ATP6V1C2: variants seen among roughly 807,000 people sequenced by gnomAD.
ATP6V1C2 encodes ATPase H+ transporting V1 subunit C2.
ATP6V1C2 carries 45 observed loss-of-function variants against 56.8 expected under a neutral mutation model. The ratio of observed to expected loss-of-function variants is 0.79; its 90% CI spans 0.62 to 1.02. The LOEUF is 1.02. Ranked by LOEUF, ATP6V1C2 falls within the 50% of genes least tolerant of loss-of-function variation. ATP6V1C2 has a pLI of 0.00. For synonymous variants in ATP6V1C2, 220 were observed against 201.3 expected (o/e 1.09, Z -0.79); for missense variants, 463 against 519.7 (o/e 0.89, Z 1.06).
intron 5 of ATP6V1C2, among the ~76,000 whole-genome samples, chr2:10,767,393 G>A (rs2148486950): frequency 6.6e-6 from 1 of 151,572 alleles, no homozygotes; most frequent in South Asian, 2.1e-4. Flanking sequence ...AAACTCCTGA[G>A]CTCAGGCAAT....
chr2:10,773,325 A>G (rs557406998), intron 8 of ATP6V1C2, among the ~76,000 whole-genome samples: 1 of 152,276 alleles, frequency 6.6e-6, no homozygotes, highest in South Asian at 2.1e-4. Flanking sequence ...ATAGTGGGGT[A>G]GGGGCATGTG....
chr2:10,783,447 G>T lies in ATP6V1C2; in HGVS notation c.*184G>T. The T allele has an allele frequency of 2.0e-6, 1 of 502,768 alleles. No homozygotes were observed. Among genetic ancestry groups the T allele is most frequent in the Non-Finnish European group, 3.5e-6 (1 of 282,542 alleles). 31.1% of individuals were successfully genotyped at this position (502,768 alleles called of 1,614,324 possible). ...ACAATAAAATGCTCTCAAGTCCTTT[G>T]AATGTTCCAACAAATTCAAAACTTC... On this transcript the variant is annotated 3_prime_UTR_variant, in exon 14 of 14. Coordinates refer to ENST00000272238, the MANE Select transcript of ATP6V1C2 (RefSeq NM_001039362.2).
chr2:10,750,112 G>T (rs902329048), intron 3 of ATP6V1C2, among the ~76,000 whole-genome samples: 1 of 152,188 alleles, frequency 6.6e-6, no homozygotes, highest in African/African-American at 2.4e-5. Context: ...GGCTGTTTGC[G>T]TTATGTGGAA....
chr2:10,764,433 A>ATT lies in ATP6V1C2; in HGVS notation c.378+8_378+9insTT, dbSNP rs773822282. ...GTGGACACAATAGCCAAGGTGAGAA[A>ATT]AGGGACTGCTCTGGGGAACAGCTGA... On this transcript the variant is annotated intron_variant, in intron 5 of 13. Coordinates refer to ENST00000272238, the MANE Select transcript of ATP6V1C2 (RefSeq NM_001039362.2). 6.2e-7 allele frequency: 1 copy of ATT among 1,612,494 alleles called. No homozygotes were observed. The highest frequency in any genetic ancestry group is 8.5e-7 in the Non-Finnish European group (1 of 1,178,588).
chr2:10,741,020 T>C (rs1467473798), intron 3 of ATP6V1C2, among the ~76,000 whole-genome samples: 1 of 152,226 alleles, frequency 6.6e-6, no homozygotes, highest in Non-Finnish European at 1.5e-5. Context: ...AGAGCATTAC[T>C]GTCTGGACCG....
At chr2:10,773,871 C>T (rs1355941275) in intron 8 of ATP6V1C2, among the ~76,000 whole-genome samples, 2 of 152,294 alleles carry the variant, frequency 1.3e-5, no homozygotes, top group African/African-American at 4.8e-5. Flanking sequence ...AGATGGCAAT[C>T]GGGATCTAAA....
At chr2:10,741,745 G>T (rs1247704642) in intron 3 of ATP6V1C2, among the ~76,000 whole-genome samples, 1 of 152,114 alleles carries the variant, frequency 6.6e-6, no homozygotes. Flanking sequence ...AAGGGCCTTG[G>T]CTTTGTGTGT....
chr2:10,759,078 G>C (rs571557447), intron 4 of ATP6V1C2, among the ~76,000 whole-genome samples: 12 of 152,338 alleles, frequency 7.9e-5, no homozygotes, highest in African/African-American at 2.9e-4. Context: ...TGAACCAGAG[G>C]CACACATTGT....
intron 4 of ATP6V1C2, among the ~76,000 whole-genome samples, chr2:10,762,135 T>G (rs1663947443): frequency 1.3e-5 from 2 of 150,858 alleles, no homozygotes; most frequent in Non-Finnish European, 2.9e-5. Flanking sequence ...TTAATGGGGT[T>G]GAAGCATAAA....
At position 10,763,890 on chromosome 2, in the gene ATP6V1C2, G is replaced by C. The variant is rs751831923; in HGVS notation, c.284-441G>C. ...TGGGGCTCTCTCCACCCCACACCTGGTTAGAATGAGCCAGAGGCATCCTGA... is the reference window on the plus strand; with the variant it reads ...TGGGGCTCTCTCCACCCCACACCTGCTTAGAATGAGCCAGAGGCATCCTGA... On this transcript the variant is annotated intron_variant, in intron 4 of 13. Coordinates refer to ENST00000272238, the MANE Select transcript of ATP6V1C2 (RefSeq NM_001039362.2). The surrounding 1 kb of genome is among the most constrained non-coding windows in gnomAD (Gnocchi z 4.2). Among the ~76,000 whole-genome samples, 4 of 152,144 alleles carry C rather than the reference G, an allele frequency of 2.6e-5. No individual in the cohort carries two copies. The highest frequency in any genetic ancestry group is 4.4e-5 in the Non-Finnish European group (3 of 68,030).
intron 4 of ATP6V1C2, chr2:10,757,375 C>A (rs1663619543): frequency 5.0e-6 from 2 of 398,378 alleles, no homozygotes; most frequent in Non-Finnish European, 8.9e-6. Context: ...CACCTGTGAT[C>A]TTGGCTTTGT....
At chr2:10,764,630 C>G (rs116691388) in intron 5 of ATP6V1C2, among the ~76,000 whole-genome samples, 2 of 152,166 alleles carry the variant, frequency 1.3e-5, no homozygotes, top group Non-Finnish European at 2.9e-5. Flanking sequence ...GGCCTCCCCT[C>G]GAGGGCCCAG....
chr2:10,758,387 C>T (rs914166386), intron 4 of ATP6V1C2, among the ~76,000 whole-genome samples: 3 of 152,150 alleles, frequency 2.0e-5, no homozygotes, highest in Admixed American at 6.6e-5. Context: ...ATTTGTTGAA[C>T]GGGCTTTATG....
At chr2:10,777,880 G>C (rs1398555692) in intron 11 of ATP6V1C2, among the ~76,000 whole-genome samples, 158 bp downstream of exon 11, 1 of 151,828 alleles carries the variant, frequency 6.6e-6, no homozygotes, top group Non-Finnish European at 1.5e-5. Context: ...CTCCTAATCT[G>C]CAGGGCCTCT....
upstream of ATP6V1C2, chr2:10,721,619 C>T (rs979753200): frequency 6.6e-6 from 1 of 151,514 alleles, no homozygotes; most frequent in African/African-American, 2.4e-5. Flanking sequence ...CGGGGCGGGG[C>T]GCGGGGCAGC....
intron 4 of ATP6V1C2, chr2:10,757,546 A>C (rs1663627704): frequency 2.5e-6 from 1 of 398,348 alleles, no homozygotes; most frequent in African/African-American, 2.1e-5. Flanking sequence ...GTATTGGTAC[A>C]GTGATCAAGT....
At chr2:10,726,654 G>T in intron 3 of ATP6V1C2, 85 bp downstream of exon 3, 2 of 1,260,948 alleles carry the variant, frequency 1.6e-6, no homozygotes, top group Non-Finnish European at 2.3e-6. Flanking sequence ...GGCTGAACCG[G>T]AGTATGGACT....
chr2:10,740,349 T>A (rs1194183576), intron 3 of ATP6V1C2, among the ~76,000 whole-genome samples: 1 of 152,188 alleles, frequency 6.6e-6, no homozygotes, highest in South Asian at 2.1e-4. Context: ...ATTGTACTCC[T>A]ATTTGTGTGA....
intron 3 of ATP6V1C2, among the ~76,000 whole-genome samples, chr2:10,744,592 G>C (rs1023436315): frequency 2.0e-5 from 3 of 151,624 alleles, no homozygotes; most frequent in Non-Finnish European, 4.4e-5. Flanking sequence ...TCTAGTATCT[G>C]ACACTTGAAC....
Sources: allele counts gnomAD v4.1 joint callset (sites outside exome capture counted in the v4.1 genomes callset), GRCh38; gene constraint gnomAD v4.1.1; non-coding constraint Gnocchi (gnomAD v3.1); transcripts MANE v1.5; gene names NCBI Gene and HGNC (gene_info 2026-07-23, HGNC 2026-07-21).